Variants in ACACA observed in about 807,000 individuals in gnomAD.
The protein encoded by ACACA is acetyl-CoA carboxylase 1.
ACACA carries 103 observed loss-of-function variants against 296.1 expected under a neutral mutation model. The ratio of observed to expected loss-of-function variants is 0.35; its 90% CI spans 0.30 to 0.41. ACACA has a LOEUF of 0.41. Ranked by LOEUF, ACACA falls within the 10% of genes least tolerant of loss-of-function variation. The pLI is 1.00. For missense variants in ACACA, 1,554 were observed against 2,989.7 expected (o/e 0.52, Z 11.20); for synonymous variants, 953 against 1,038.6 (o/e 0.92, Z 1.58).
At chr17:37,394,458 G>A (rs1432975175) in intron 1 of ACACA, among the ~76,000 whole-genome samples, 1 of 151,746 alleles carries the variant, frequency 6.6e-6, no homozygotes, top group East Asian at 1.9e-4. Context: ...TGATCCACCC[G>A]CGTCGGCCTC....
intron 10 of ACACA, among the ~76,000 whole-genome samples, chr17:37,268,741 C>CTA (rs71368449): frequency 0.14 from 13,553 of 94,052 alleles, 832 homozygotes; most frequent in African/African-American, 0.19. Context: ...ATCTATCTAT[C>CTA]TATATATATA....
chr17:37,107,656 TG>T (rs2073766066), intron 52 of ACACA, among the ~76,000 whole-genome samples: 1 of 152,232 alleles, frequency 6.6e-6, no homozygotes, highest in African/African-American at 2.4e-5. Flanking sequence ...CGGTGCTGCA[TG>T]GCAGGCTGCC....
intron 16 of ACACA, among the ~76,000 whole-genome samples, chr17:37,248,984 G>GAA (rs2080850307): frequency 6.6e-6 from 1 of 152,120 alleles, no homozygotes; most frequent in Non-Finnish European, 1.5e-5. Context: ...TGGCAAAAGT[G>GAA]AAACTCTACA....
intron 17 of ACACA, among the ~76,000 whole-genome samples, 172 bp downstream of exon 17, chr17:37,248,421 A>G (rs915760661): frequency 9.8e-5 from 15 of 152,334 alleles, no homozygotes; most frequent in African/African-American, 3.6e-4. Context: ...AGAACAACAA[A>G]AAAGATTTTC....
intron 41 of ACACA, among the ~76,000 whole-genome samples, chr17:37,179,011 C>A (rs1398958502): frequency 1.3e-5 from 2 of 152,068 alleles, no homozygotes; most frequent in Non-Finnish European, 2.9e-5. Flanking sequence ...TAAAAGAAAA[C>A]AATATTCCTT....
At chr17:37,358,049 T>A (rs560552212) in intron 1 of ACACA, among the ~76,000 whole-genome samples, 77 of 152,306 alleles carry the variant, frequency 5.1e-4, no homozygotes, top group African/African-American at 1.9e-3. Context: ...ATCGCTTAAG[T>A]AGAAACAGAA....
intron 23 of ACACA, among the ~76,000 whole-genome samples, chr17:37,241,330 T>C (rs2080392170): frequency 6.6e-6 from 1 of 152,254 alleles, no homozygotes; most frequent in South Asian, 2.1e-4. Context: ...AAAAATGTCA[T>C]ACTGGGCCCT....
intron 16 of ACACA, among the ~76,000 whole-genome samples, chr17:37,250,553 C>G (rs890304512): frequency 9.3e-5 from 14 of 150,670 alleles, no homozygotes; most frequent in African/African-American, 3.4e-4. Context: ...CAGGAGAATC[C>G]CTTGAACCCA....
At chr17:37,169,894 AC>A (rs1007667599) in intron 41 of ACACA, among the ~76,000 whole-genome samples, 7 of 152,126 alleles carry the variant, frequency 4.6e-5, no homozygotes, top group African/African-American at 1.7e-4. Flanking sequence ...ACAAAAAGGT[AC>A]CCTGTAGCCC....
chr17:37,123,470 T>G (rs1308244777), intron 48 of ACACA, among the ~76,000 whole-genome samples: 1 of 152,212 alleles, frequency 6.6e-6, no homozygotes, highest in African/African-American at 2.4e-5. Flanking sequence ...AGGGTGAGTC[T>G]TTACTCTGGA....
At chr17:37,275,424 A>G (rs2082238928) in intron 8 of ACACA, among the ~76,000 whole-genome samples, 1 of 139,118 alleles carries the variant, frequency 7.2e-6, no homozygotes, top group South Asian at 2.4e-4. Flanking sequence ...TGAACCCGGA[A>G]GGTGGAGGAT....
chr17:37,307,441 T>C (rs572077065), intron 3 of ACACA, among the ~76,000 whole-genome samples: 1 of 152,316 alleles, frequency 6.6e-6, no homozygotes, highest in South Asian at 2.1e-4. Flanking sequence ...GTTTAACTCA[T>C]TGTAATTTTA....
At chr17:37,285,015 G>A (rs753487165) in intron 3 of ACACA, 45 bp from the exon 4 acceptor site, 1 of 1,613,186 alleles carries the variant, frequency 6.2e-7, no homozygotes, top group East Asian at 2.2e-5. Flanking sequence ...ATATTTTCTG[G>A]AGACCTGCTT....
At chr17:37,405,071 G>T (rs2051425264) in intron 1 of ACACA, among the ~76,000 whole-genome samples, 2 of 152,102 alleles carry the variant, frequency 1.3e-5, no homozygotes, top group South Asian at 4.1e-4. Flanking sequence ...CCCCATTTCA[G>T]GGTCACTGCA....
chr17:37,117,395 C>G (rs182980866), intron 50 of ACACA, among the ~76,000 whole-genome samples: 14 of 152,242 alleles, frequency 9.2e-5, no homozygotes, highest in Admixed American at 8.5e-4. Context: ...TTATTTATAA[C>G]CTGTCCCAGG....
intron 2 of ACACA, among the ~76,000 whole-genome samples, chr17:37,336,193 C>G (rs1206246309): frequency 1.3e-5 from 2 of 152,154 alleles, no homozygotes; most frequent in Admixed American, 6.6e-5. Flanking sequence ...CCTGGACCGG[C>G]CTGCTAGCCC....
At chr17:37,329,367 T>C (rs1468863793) in intron 3 of ACACA, among the ~76,000 whole-genome samples, 2 of 152,140 alleles carry the variant, frequency 1.3e-5, no homozygotes, top group Non-Finnish European at 2.9e-5. Flanking sequence ...TGGCCAGGTG[T>C]AGTGGTTCAT....
intron 1 of ACACA, among the ~76,000 whole-genome samples, chr17:37,390,461 T>C (rs1176393361): frequency 6.9e-6 from 1 of 145,488 alleles, no homozygotes; most frequent in Non-Finnish European, 1.5e-5. Flanking sequence ...ACCCTGTCTC[T>C]ACTAAAAATA....
At chr17:37,301,632 T>C (rs1159312520) in intron 3 of ACACA, among the ~76,000 whole-genome samples, 1 of 152,212 alleles carries the variant, frequency 6.6e-6, no homozygotes, top group East Asian at 1.9e-4. Flanking sequence ...AAAGGTTTCT[T>C]TGTGGACTCT....
Sources: gnomAD v4.1 joint callset for allele counts (sites outside exome capture counted in the v4.1 genomes callset) on GRCh38, gnomAD v4.1.1 for gene constraint, MANE v1.5 for transcripts, NCBI Gene and HGNC (gene_info 2026-07-23, HGNC 2026-07-21) for gene names.